The following IQUB variants were observed in gnomAD, a reference collection of about 807,000 sequenced individuals.
IQUB encodes IQ motif and ubiquitin domain containing.
A neutral mutation model predicts 86.4 loss-of-function variants in IQUB; 86 were observed. The observed-to-expected ratio is 1.00, with a 90% CI of 0.84 to 1.19. The LOEUF is 1.19. Ranked by LOEUF, IQUB falls within the 50% of genes most tolerant of loss-of-function variation. The probability of loss-of-function intolerance (pLI) is 0.00; values close to 1 mark genes in which losing one functional copy is unlikely to be tolerated. For missense variants in IQUB, 946 were observed against 916.9 expected (o/e 1.03, Z -0.41); for synonymous variants, 289 against 304.5 (o/e 0.95, Z 0.53).
chr7:123,489,166 GGCATAAA>G (rs779909132), intron 7 of IQUB, among the ~76,000 whole-genome samples: 72 of 152,076 alleles, frequency 4.7e-4, no homozygotes, highest in Non-Finnish European at 7.8e-4. Context: ...AACATTCTGG[GGCATAAA>G]TATATCCTAC....
rs757763811 is a variant in IQUB at position 123,452,823 on chromosome 7, C to A, written c.2296G>T (p.Gly766Cys). 1 of 1,613,372 alleles carries A rather than the reference C, an allele frequency of 6.2e-7. No individual in the cohort carries two copies. Among genetic ancestry groups the A allele is most frequent in the South Asian group, 1.1e-5 (1 of 91,024 alleles). Residue 766 changes from glycine (G) to cysteine (C), a missense_variant, in exon 13 of 13, where the codon GGT (glycine) becomes TGT (cysteine). Transcript: ENST00000324698. Reference sequence around the variant, plus strand: ...TTCCATCTGATCTCATCAATTTCACCATCATCAAGTATAAATGAAGCCAGC... The same window carrying A: ...TTCCATCTGATCTCATCAATTTCACAATCATCAAGTATAAATGAAGCCAGC... ...PVLASFILDD[G>C]EIDEIRWKYH...
At chr7:123,500,715 T>C (rs1354772167) in intron 6 of IQUB, among the ~76,000 whole-genome samples, 2 of 152,154 alleles carry the variant, frequency 1.3e-5, no homozygotes, top group Non-Finnish European at 2.9e-5. Flanking sequence ...TTCAAGACTC[T>C]ATGGGGCAAA....
intron 8 of IQUB, among the ~76,000 whole-genome samples, chr7:123,478,680 T>C (rs910936921): frequency 5.3e-5 from 8 of 152,074 alleles, no homozygotes; most frequent in African/African-American, 1.7e-4. Flanking sequence ...TATTAAACAA[T>C]AGAATAAACA....
intron 8 of IQUB, among the ~76,000 whole-genome samples, chr7:123,472,521 C>T (rs1794573798): frequency 6.6e-6 from 1 of 151,982 alleles, no homozygotes; most frequent in South Asian, 2.1e-4. Flanking sequence ...AAATAGGTAA[C>T]TATGGGTTGC....
rs187311884 is a variant in IQUB, at chr7:123,461,613, A to G, written c.1759-8T>C. ...CAATGGGTCTTGAGGGACCTAAATA[A>G]ATAGTAAAAAAAGAAAAAAAAGGTC... On this transcript the variant is annotated splice_region_variant and splice_polypyrimidine_tract_variant and intron_variant, in intron 10 of 12. Transcript: ENST00000324698. The G allele has an allele frequency of 1.3e-6, 2 of 1,558,228 alleles. No homozygotes were observed. The highest frequency in any genetic ancestry group is 1.2e-5 in the South Asian group (1 of 82,686).
chr7:123,493,721 ATGTGTGTGTATG>A (rs1442263168), intron 7 of IQUB, among the ~76,000 whole-genome samples: 2,273 of 128,366 alleles, frequency 0.018, 44 homozygotes, highest in African/African-American at 0.049. Context: ...CCTGAGAGAA[ATGTGTGTGTATG>A]TGTGTGTGTG....
chr7:123,465,068 A>T (rs762452162), intron 9 of IQUB, 59 bp from the exon 10 acceptor site: 2 of 1,158,078 alleles, frequency 1.7e-6, no homozygotes, highest in Non-Finnish European at 2.5e-6. Context: ...GTTCACTTTC[A>T]AATTGCCACC....
chr7:123,506,190 T>C (rs185526028), intron 3 of IQUB, among the ~76,000 whole-genome samples: 92 of 152,336 alleles, frequency 6.0e-4, no homozygotes, highest in African/African-American at 2.1e-3. Context: ...CTACTGTCCA[T>C]ATCACTATCA....
At chr7:123,523,947 T>G (rs1369263550) in intron 1 of IQUB, among the ~76,000 whole-genome samples, 1 of 152,096 alleles carries the variant, frequency 6.6e-6, no homozygotes, top group Non-Finnish European at 1.5e-5. Flanking sequence ...CCAGCACCAT[T>G]TATTAAATAG....
Position 123,513,629 on chromosome 7 carries a change from A to C in IQUB, c.-4-1285T>G, listed in dbSNP as rs190927722. On this transcript the variant is annotated intron_variant, in intron 1 of 12. Transcript: ENST00000324698. ...CCCAGAAGGAAAAATAGAAAGATAG[A>C]GGAGAAAAAATATTTTTATGTATTA... Among the ~76,000 whole-genome samples the C allele has an allele frequency of 6.0e-4, 91 of 152,276 alleles. 2 individuals carry two copies. In the East Asian group the frequency reaches 0.017, roughly 28 times the overall value.
intron 9 of IQUB, among the ~76,000 whole-genome samples, chr7:123,468,268 A>G (rs1794351106): frequency 6.6e-6 from 1 of 152,202 alleles, no homozygotes; most frequent in Non-Finnish European, 1.5e-5. Flanking sequence ...TAGTAGAGGA[A>G]GGAAACAGTG....
intron 12 of IQUB, chr7:123,457,058 G>A (rs1056402184): frequency 1.2e-5 from 5 of 406,118 alleles, no homozygotes; most frequent in African/African-American, 4.4e-5. Flanking sequence ...AGGCAGTATT[G>A]TAGGTATTAG....
chr7:123,482,276 A>G (rs1166709685), intron 7 of IQUB, among the ~76,000 whole-genome samples: 2 of 152,068 alleles, frequency 1.3e-5, no homozygotes, highest in African/African-American at 4.8e-5. Flanking sequence ...TTAATCTAAG[A>G]CAGAGCCAAG....
At chr7:123,466,719 T>A (rs1211771418) in intron 9 of IQUB, among the ~76,000 whole-genome samples, 1 of 152,194 alleles carries the variant, frequency 6.6e-6, no homozygotes, top group Non-Finnish European at 1.5e-5. Context: ...CAAAATGTTA[T>A]GCTTATGAAA....
At chr7:123,504,907 G>A (rs1796109021) in intron 3 of IQUB, among the ~76,000 whole-genome samples, 1 of 152,130 alleles carries the variant, frequency 6.6e-6, no homozygotes, top group Non-Finnish European at 1.5e-5. Context: ...TCTCATCTGA[G>A]ACAAGGCAAG....
rs1394111676 is a variant in IQUB at position 123,509,991 on chromosome 7, A to G, written c.442T>C (p.Phe148Leu). Residue 148 changes from phenylalanine to leucine, a missense_variant, in exon 3 of 13, where the codon TTT becomes CTT. Physicochemically the swap from Phe to Leu is conservative, Grantham distance 22. Coordinates refer to ENST00000324698, the MANE Select transcript of IQUB (RefSeq NM_178827.5). ...IPVGQEIVIP[F>L]KVDTILKYLK... is the part of the protein sequence containing the mutation. ...TATTTAAGAATGGTATCAACCTTAAAAGGTATTACAATTTCCTGGCCCACT... is the reference window on the plus strand; with the variant it reads ...TATTTAAGAATGGTATCAACCTTAAGAGGTATTACAATTTCCTGGCCCACT... 6.3e-7 allele frequency: 1 copy of G among 1,592,898 alleles called. No homozygotes were observed.
chr7:123,512,418 A>C (rs1445753037), intron 1 of IQUB, 74 bp from the exon 2 acceptor site: 1 of 812,876 alleles, frequency 1.2e-6, no homozygotes, highest in Non-Finnish European at 1.9e-6. Context: ...CATTGCTAGT[A>C]TAGAGTAACA....
intron 1 of IQUB, among the ~76,000 whole-genome samples, chr7:123,513,618 TAGAA>T (rs1454912789): frequency 8.6e-5 from 13 of 152,006 alleles, no homozygotes; most frequent in African/African-American, 2.7e-4. Context: ...GAAGGAAAAA[TAGAA>T]AGATAGAGGA....
intron 8 of IQUB, among the ~76,000 whole-genome samples, chr7:123,470,066 C>T (rs938702737): frequency 1.1e-4 from 16 of 152,134 alleles, no homozygotes; most frequent in Admixed American, 5.9e-4. Context: ...AGTTCACTTG[C>T]CCTGAAGCTC....
Sources: allele counts gnomAD v4.1 joint callset (sites outside exome capture counted in the v4.1 genomes callset), GRCh38; gene constraint gnomAD v4.1.1; transcripts MANE v1.5; gene names NCBI Gene and HGNC (gene_info 2026-07-23, HGNC 2026-07-21).